Variants in RAB33A observed in about 807,000 individuals in gnomAD.
RAB33A encodes the protein RAB33A, member RAS oncogene family.
Under a neutral mutation model 12.0 loss-of-function variants are expected in RAB33A, and 6 were observed. That is an observed-to-expected ratio of 0.50 (90% CI 0.27 to 0.99). The LOEUF (loss-of-function observed/expected upper bound fraction) is 0.99, where lower values mean the gene tolerates loss of function less well. RAB33A is among the 50% of genes least tolerant of loss of function. The pLI is 0.11. For synonymous variants in RAB33A, 70 were observed against 82.4 expected (o/e 0.85, Z 0.81); for missense variants, 109 against 192.0 (o/e 0.57, Z 2.55).
chrX:130,163,304 CAAA>C, the RAB33A span, among the ~76,000 whole-genome samples: 6 of 66,841 alleles, frequency 9.0e-5, no homozygotes, highest in Admixed American at 1.7e-4. Flanking sequence ...GACTCCGCCT[CAAA>C]AAAAAAAAAA....
the RAB33A span, chrX:130,148,019 T>G: frequency 1.4e-6 from 1 of 739,210 alleles, no homozygotes; most frequent in African/African-American, 2.1e-5. Context: ...ATCTTAACAA[T>G]CTTCACAGCA....
chrX:130,152,118 G>T, the RAB33A span, among the ~76,000 whole-genome samples: 1 of 105,869 alleles, frequency 9.4e-6, no homozygotes, highest in East Asian at 2.9e-4. Context: ...GAAGAGAAAA[G>T]AAAAGAAAAA....
chrX:130,158,809 G>C, the RAB33A span, among the ~76,000 whole-genome samples: 1 of 109,172 alleles, frequency 9.2e-6, no homozygotes, highest in Non-Finnish European at 1.9e-5. Flanking sequence ...GCTTAGTCTA[G>C]AGGCTGATAC....
the RAB33A span, chrX:130,137,210 A>C: frequency 5.8e-6 from 7 of 1,210,584 alleles, no homozygotes; most frequent in Admixed American, 1.3e-4. Context: ...CAGAGTAGTT[A>C]CAGCAGGAAG....
the RAB33A span, among the ~76,000 whole-genome samples, chrX:130,134,073 T>A: frequency 1.8e-5 from 2 of 110,107 alleles, no homozygotes; most frequent in South Asian, 7.7e-4. Flanking sequence ...CCATCTCTAC[T>A]AAAAATACAA....
chrX:130,164,189 T>C, the RAB33A span, among the ~76,000 whole-genome samples: 95 of 102,802 alleles, frequency 9.2e-4, no homozygotes, highest in Non-Finnish European at 1.3e-3. Flanking sequence ...AAAAAAAAAT[T>C]CAGGTTATCT....
the RAB33A span, among the ~76,000 whole-genome samples, chrX:130,121,073 C>T: frequency 2.7e-5 from 3 of 112,094 alleles, no homozygotes; most frequent in Middle Eastern, 4.7e-3. Context: ...GCCAGCGCCC[C>T]GAGCTTCCAC....
At chrX:130,135,047 CCTT>C in the RAB33A span, among the ~76,000 whole-genome samples, 1 of 110,261 alleles carries the variant, frequency 9.1e-6, no homozygotes. Context: ...TCTCCTCTCT[CCTT>C]CTTGTCTGTC....
the RAB33A span, chrX:130,149,354 G>A: frequency 1.6e-6 from 1 of 616,954 alleles, no homozygotes; most frequent in Non-Finnish European, 2.8e-6. Flanking sequence ...CTAGATGCTT[G>A]CAATCTCATA....
the RAB33A span, among the ~76,000 whole-genome samples, chrX:130,122,331 C>T: frequency 3.5e-5 from 4 of 112,938 alleles, no homozygotes; most frequent in Non-Finnish European, 7.5e-5. Flanking sequence ...CTCTGAAACA[C>T]CTAAAGCTCC....
chrX:130,178,321 A>AAG (rs10560124), intron 1 of RAB33A, among the ~76,000 whole-genome samples: 2,460 of 99,299 alleles, frequency 0.025, 34 homozygotes, highest in Non-Finnish European at 0.04. Context: ...TTGTCTGGAA[A>AAG]AGAGAGAGAG....
the RAB33A span, among the ~76,000 whole-genome samples, chrX:130,138,420 G>A: frequency 2.4e-4 from 26 of 109,825 alleles, no homozygotes; most frequent in East Asian, 3.8e-3. Context: ...AGCCGAGATC[G>A]CGCCACTGCA....
chrX:130,128,101 C>G, the RAB33A span, among the ~76,000 whole-genome samples: 3 of 111,361 alleles, frequency 2.7e-5, no homozygotes, highest in Non-Finnish European at 5.6e-5. Context: ...CAAATTCTTA[C>G]GGTGGAGATT....
intron 1 of RAB33A, among the ~76,000 whole-genome samples, chrX:130,176,481 C>T (rs189150606): frequency 1.7e-4 from 19 of 111,612 alleles, no homozygotes; most frequent in African/African-American, 6.2e-4. Context: ...CAGCTCAGGA[C>T]TGTGAGTTTC....
chrX:130,146,077 T>C, the RAB33A span, among the ~76,000 whole-genome samples: 62 of 111,791 alleles, frequency 5.5e-4, no homozygotes, highest in Non-Finnish European at 8.8e-4. Flanking sequence ...AACAACTAAT[T>C]ATAGCTCCTG....
the RAB33A span, among the ~76,000 whole-genome samples, chrX:130,112,939 G>A: frequency 9.1e-6 from 1 of 109,636 alleles, no homozygotes; most frequent in Admixed American, 9.7e-5. Context: ...TTGTAGGTGT[G>A]TGTATTTATG....
chrX:130,179,994 C>T (rs947029876), intron 1 of RAB33A, among the ~76,000 whole-genome samples: 1 of 109,012 alleles, frequency 9.2e-6, no homozygotes, highest in African/African-American at 3.4e-5. Context: ...GGGAAGTTGG[C>T]GAAGGTTTGA....
the RAB33A span, among the ~76,000 whole-genome samples, chrX:130,165,251 G>A: frequency 1.2e-5 from 1 of 81,085 alleles, no homozygotes; most frequent in Non-Finnish European, 2.3e-5. Context: ...AAGGGGGGTG[G>A]GGGGTGGGGA....
At chrX:130,127,622 C>G in the RAB33A span, among the ~76,000 whole-genome samples, 2 of 108,606 alleles carry the variant, frequency 1.8e-5, no homozygotes, top group Non-Finnish European at 3.8e-5. Context: ...TAGTCTTACC[C>G]CCATCTCTGT....
Sources: allele counts gnomAD v4.1 joint callset (sites outside exome capture counted in the v4.1 genomes callset), GRCh38; gene constraint gnomAD v4.1.1; transcripts MANE v1.5; gene names NCBI Gene and HGNC (gene_info 2026-07-23, HGNC 2026-07-21).